Variants in SYT16 observed in about 807,000 individuals in gnomAD.
SYT16 encodes synaptotagmin 16.
In SYT16, 42 loss-of-function variants were observed where a neutral mutation model predicts 61.4. That is an observed-to-expected ratio of 0.68 (90% CI 0.53 to 0.89). The LOEUF is 0.89. Ranked by LOEUF, SYT16 falls within the 40% of genes least tolerant of loss-of-function variation. The probability of loss-of-function intolerance (pLI) is 0.00; values close to 1 mark genes in which losing one functional copy is unlikely to be tolerated. For synonymous variants in SYT16, 314 were observed against 302.3 expected (o/e 1.04, Z -0.40); for missense variants, 804 against 807.3 (o/e 1.00, Z 0.05).
At chr14:62,012,134 A>C (rs527949958) in intron 3 of SYT16, among the ~76,000 whole-genome samples, 1 of 152,160 alleles carries the variant, frequency 6.6e-6, no homozygotes, top group South Asian at 2.1e-4. Context: ...ATTATTTCAC[A>C]GTTTCTATGG....
chr14:62,078,172 A>ACACACACACACACACACAC (rs2056576554), intron 5 of SYT16, among the ~76,000 whole-genome samples: 4 of 128,780 alleles, frequency 3.1e-5, no homozygotes, highest in African/African-American at 1.2e-4. Context: ...TATATATATA[A>ACACACACACACACACACAC]ACACACACAC....
chr14:61,900,629 G>A (rs1156980886), intron 1 of SYT16, among the ~76,000 whole-genome samples: 2 of 151,980 alleles, frequency 1.3e-5, no homozygotes, highest in Non-Finnish European at 2.9e-5. Context: ...CTGCAGGAGA[G>A]AGAAGCAGCT....
chr14:61,861,633 G>C (rs568373381), intron 1 of SYT16, among the ~76,000 whole-genome samples: 1 of 152,272 alleles, frequency 6.6e-6, no homozygotes, highest in Admixed American at 6.5e-5. Context: ...TCGAATTCCT[G>C]GGCTCAAGCA....
chr14:61,823,031 C>T (rs186986973), intron 1 of SYT16, among the ~76,000 whole-genome samples: 43 of 151,944 alleles, frequency 2.8e-4, no homozygotes, highest in Admixed American at 2.0e-3. Context: ...TCATTTTTGT[C>T]GCCCAGGTTG....
intron 1 of SYT16, chr14:61,865,129 C>T: frequency 7.7e-7 from 1 of 1,292,996 alleles, no homozygotes; most frequent in Non-Finnish European, 1.1e-6. Flanking sequence ...TCTGTGGCTC[C>T]TCAGCCACCG....
At chr14:61,964,419 T>C (rs796259955) in intron 1 of SYT16, among the ~76,000 whole-genome samples, 7 of 152,312 alleles carry the variant, frequency 4.6e-5, no homozygotes, top group African/African-American at 1.7e-4. Context: ...GCAAATGTGA[T>C]GGAAATAGCC....
At chr14:61,972,448 C>A (rs769287921) in intron 2 of SYT16, among the ~76,000 whole-genome samples, 1 of 152,250 alleles carries the variant, frequency 6.6e-6, no homozygotes, top group East Asian at 1.9e-4. Flanking sequence ...GCTGTTCACT[C>A]AGGAAACACT....
At chr14:62,036,001 G>A (rs2054492337) in intron 3 of SYT16, among the ~76,000 whole-genome samples, 1 of 152,132 alleles carries the variant, frequency 6.6e-6, no homozygotes, top group Non-Finnish European at 1.5e-5. Flanking sequence ...GCAGAGAGAG[G>A]GATCCTGCTT....
intron 1 of SYT16, among the ~76,000 whole-genome samples, chr14:61,893,939 A>G (rs1478081917): frequency 6.6e-6 from 1 of 152,168 alleles, no homozygotes; most frequent in African/African-American, 2.4e-5. Context: ...TCAACACATC[A>G]AAACCTGGCA....
intron 7 of SYT16, among the ~76,000 whole-genome samples, chr14:62,097,344 A>G (rs2141015539): frequency 6.6e-6 from 1 of 152,310 alleles, no homozygotes; most frequent in Non-Finnish European, 1.5e-5. Flanking sequence ...ACCAGAAAAG[A>G]AAATATTGCT....
At chr14:61,837,223 G>T (rs60926578) in intron 1 of SYT16, among the ~76,000 whole-genome samples, 25,783 of 150,578 alleles carry the variant, frequency 0.17, 2,625 homozygotes, top group African/African-American at 0.29. Flanking sequence ...CCACTGAGTG[G>T]CAGAGGCTGA....
chr14:61,951,641 A>G (rs1025756568), intron 1 of SYT16, among the ~76,000 whole-genome samples: 1 of 152,060 alleles, frequency 6.6e-6, no homozygotes, highest in African/African-American at 2.4e-5. Context: ...CATTTGTAAA[A>G]ATATTCTCTT....
intron 1 of SYT16, among the ~76,000 whole-genome samples, chr14:61,907,690 T>C (rs2048775898): frequency 6.6e-6 from 1 of 152,216 alleles, no homozygotes; most frequent in South Asian, 2.1e-4. Context: ...CAGTATTCCT[T>C]ATGGCCTACC....
At chr14:61,905,638 C>T (rs989968322) in intron 1 of SYT16, among the ~76,000 whole-genome samples, 3 of 152,176 alleles carry the variant, frequency 2.0e-5, no homozygotes, top group Non-Finnish European at 2.9e-5. Context: ...GTCCACACCC[C>T]GGGTCTCTTT....
chr14:62,071,587 A>G (rs1183033416), intron 4 of SYT16, among the ~76,000 whole-genome samples: 1 of 152,240 alleles, frequency 6.6e-6, no homozygotes, highest in Non-Finnish European at 1.5e-5. Context: ...ACCAGACGCC[A>G]TGGAAATGTT....
At chr14:61,991,002 AAGT>A (rs2052525664) in intron 2 of SYT16, among the ~76,000 whole-genome samples, 1 of 152,216 alleles carries the variant, frequency 6.6e-6, no homozygotes, top group Non-Finnish European at 1.5e-5. Flanking sequence ...GATTTTAAAA[AAGT>A]AGCCTTTAAG....
At chr14:61,962,757 A>T (rs910302612) in intron 1 of SYT16, among the ~76,000 whole-genome samples, 1 of 151,816 alleles carries the variant, frequency 6.6e-6, no homozygotes, top group South Asian at 2.1e-4. Flanking sequence ...GAGTTCACTC[A>T]TTCTTTATTC....
chr14:61,814,643 T>G (rs964261888), intron 1 of SYT16, among the ~76,000 whole-genome samples: 6 of 152,222 alleles, frequency 3.9e-5, no homozygotes, highest in African/African-American at 1.4e-4. Flanking sequence ...TGATGATATC[T>G]GACCATCTCA....
intron 3 of SYT16, among the ~76,000 whole-genome samples, chr14:62,023,241 G>A (rs2053978875): frequency 6.6e-6 from 1 of 152,084 alleles, no homozygotes. Context: ...TGTTTGGGTA[G>A]GTTTATTGCA....
Sources: gnomAD v4.1 joint callset for allele counts (sites outside exome capture counted in the v4.1 genomes callset) on GRCh38, gnomAD v4.1.1 for gene constraint, MANE v1.5 for transcripts, NCBI Gene and HGNC (gene_info 2026-07-23, HGNC 2026-07-21) for gene names.